Variants in USH2A observed in about 807,000 individuals in gnomAD.
USH2A encodes usherin, also known as Usher syndrome 2A (autosomal recessive, mild).
A neutral mutation model predicts 538.9 loss-of-function variants in USH2A; 443 were observed. The ratio of observed to expected loss-of-function variants is 0.82; its 90% CI spans 0.76 to 0.89. The LOEUF (loss-of-function observed/expected upper bound fraction) is 0.89. Among genes scored for constraint, USH2A ranks in the 40% least tolerant of loss-of-function variants. The pLI is 0.00. For missense variants in USH2A, 6,633 were observed against 6,324.8 expected (o/e 1.05, Z -1.65); for synonymous variants, 2,413 against 2,273.5 (o/e 1.06, Z -1.75).
At chr1:216,010,124 C>T (rs1461015491) in intron 32 of USH2A, among the ~76,000 whole-genome samples, 11 of 152,162 alleles carry the variant, frequency 7.2e-5, no homozygotes, top group African/African-American at 2.7e-4. Context: ...TAATTAACCT[C>T]GCCTTCAAGG....
At chr1:215,934,204 A>G (rs1311994168) in intron 38 of USH2A, among the ~76,000 whole-genome samples, 1 of 152,034 alleles carries the variant, frequency 6.6e-6, no homozygotes, top group African/African-American at 2.4e-5. Context: ...CAATTGAACT[A>G]GTTATTTAGA....
chr1:215,689,511 C>T (rs1245965504), intron 61 of USH2A, among the ~76,000 whole-genome samples: 6 of 152,220 alleles, frequency 3.9e-5, no homozygotes, highest in Non-Finnish European at 7.3e-5. Context: ...TGAGTGCAGT[C>T]AGGGCCTATG....
intron 37 of USH2A, among the ~76,000 whole-genome samples, chr1:215,960,603 G>A (rs1667174691): frequency 6.6e-6 from 1 of 152,040 alleles, no homozygotes; most frequent in Non-Finnish European, 1.5e-5. Context: ...TTGATCATAT[G>A]TTCCTCATAA....
At position 215,675,293 on chromosome 1, in the gene USH2A, C is replaced by A; in HGVS notation, c.12618G>T (p.Gln4206His). ...EGKAWGNQTI[Q>H]ADEKIVFTEY... ...CTGTGAAAACAATTTTCTCGTCGGC[C>A]TGGATTGTCTGATTTCCCCAAGCTT... Residue 4206 changes from glutamine to histidine, a missense_variant, in exon 63 of 72, where the codon CAG becomes CAT. Transcript: ENST00000307340. 1 of 1,614,114 alleles carries A rather than the reference C, an allele frequency of 6.2e-7. No individual in the cohort carries two copies. Among genetic ancestry groups the A allele is most frequent in the Admixed American group, 1.7e-5 (1 of 60,016 alleles).
Position 215,645,968 on chromosome 1 carries a change from G to A in USH2A, c.14791+1554C>T, listed in dbSNP as rs1199888143. Reference sequence around the variant, plus strand: ...CCAATTAATTTATATATGGAATATTGTATAGCCATTAAAATTGGTGGCTAA... The same window carrying A: ...CCAATTAATTTATATATGGAATATTATATAGCCATTAAAATTGGTGGCTAA... On this transcript the variant is annotated intron_variant, in intron 67 of 71. Coordinates refer to ENST00000307340, the MANE Select transcript of USH2A (RefSeq NM_206933.4). Among the ~76,000 whole-genome samples, 4 of 151,604 alleles carry A rather than the reference G, an allele frequency of 2.6e-5. No homozygotes were observed. In the East Asian group the frequency reaches 7.7e-4, roughly 29 times the overall value.
At chr1:216,058,144 G>T in intron 30 of USH2A, among the ~76,000 whole-genome samples, 1 of 150,304 alleles carries the variant, frequency 6.7e-6, no homozygotes, top group Admixed American at 6.6e-5. Context: ...TGTCCATAAG[G>T]ATGACACAGC....
chr1:215,806,888 C>T (rs1430559936), intron 49 of USH2A, among the ~76,000 whole-genome samples: 1 of 152,000 alleles, frequency 6.6e-6, no homozygotes, highest in African/African-American at 2.4e-5. Context: ...CTCAGGCTCA[C>T]AGTATCTTTT....
intron 61 of USH2A, among the ~76,000 whole-genome samples, chr1:215,690,484 G>A (rs1367175851): frequency 6.6e-6 from 1 of 152,200 alleles, no homozygotes; most frequent in Non-Finnish European, 1.5e-5. Context: ...CTATTTGGAA[G>A]GCTAAGGTGG....
chr1:216,101,308 A>G (rs1449392669), intron 21 of USH2A, among the ~76,000 whole-genome samples: 1 of 152,234 alleles, frequency 6.6e-6, no homozygotes, highest in Non-Finnish European at 1.5e-5. Context: ...TAAAGAAAAC[A>G]TTACTGACTC....
intron 3 of USH2A, among the ~76,000 whole-genome samples, chr1:216,395,761 G>A (rs931711982): frequency 2.0e-5 from 3 of 152,134 alleles, no homozygotes; most frequent in Non-Finnish European, 2.9e-5. Context: ...TTTGCTACTG[G>A]CATCTAGTGG....
At chr1:216,094,252 C>G (rs1160082628) in intron 22 of USH2A, among the ~76,000 whole-genome samples, 1 of 151,998 alleles carries the variant, frequency 6.6e-6, no homozygotes, top group African/African-American at 2.4e-5. Context: ...ATTTGGATGT[C>G]CTGAAGAGCA....
rs541964787 is a variant in USH2A at position 216,159,966 on chromosome 1, C to T, written c.4627+15286G>A. On this transcript the variant is annotated intron_variant, in intron 21 of 71. Transcript: ENST00000307340. ...TTTTAGCGTAGTGCTGTTCTTAATA[C>T]ATTATTATTTTTTTTAATGTCTGTA... Among the ~76,000 whole-genome samples the T allele has an allele frequency of 5.3e-5, 8 of 152,054 alleles. No individual in the cohort carries two copies. In the South Asian group the frequency reaches 1.7e-3, roughly 32 times the overall value.
Position 216,422,177 on chromosome 1 carries a change from T to C in USH2A, c.160A>G (p.Thr54Ala), listed in dbSNP as rs2039689666. Residue 54 changes from threonine (T) to alanine (A), a missense_variant, in exon 2 of 72, where the codon ACC becomes GCC. By Grantham distance (58) the Thr-to-Ala change is moderately conservative (BLOSUM62 0). Transcript: ENST00000307340. ...TCTGGGAGTCCACATACTGCTTGGG[T>C]TGGCACGATGGAAACTTTCTTGAAA... ...GAFKKVSIVP[T>A]QAVCGLPDRS... 1 of 1,613,118 alleles carries C rather than the reference T, an allele frequency of 6.2e-7. No individual in the cohort carries two copies. Among genetic ancestry groups the C allele is most frequent in the South Asian group, 1.1e-5 (1 of 91,042 alleles).
chr1:215,655,850 C>T (rs1657234392), intron 64 of USH2A, among the ~76,000 whole-genome samples: 2 of 151,534 alleles, frequency 1.3e-5, no homozygotes, highest in South Asian at 2.1e-4. Flanking sequence ...ATTCCCCTGC[C>T]TTAGCCTCCT....
At chr1:215,645,679 G>A (rs148912952) in intron 67 of USH2A, among the ~76,000 whole-genome samples, 74 of 152,248 alleles carry the variant, frequency 4.9e-4, no homozygotes, top group African/African-American at 1.8e-3. Context: ...TTATGAATGC[G>A]TAATTCTTGC....
At chr1:216,313,434 A>T (rs971066776) in intron 9 of USH2A, among the ~76,000 whole-genome samples, 1 of 152,158 alleles carries the variant, frequency 6.6e-6, no homozygotes, top group African/African-American at 2.4e-5. Context: ...CCCAAGGTGC[A>T]ACAGAATGGC....
chr1:216,402,821 AG>A (rs2039330818), intron 3 of USH2A, among the ~76,000 whole-genome samples: 1 of 152,132 alleles, frequency 6.6e-6, no homozygotes, highest in Non-Finnish European at 1.5e-5. Context: ...ATTTTGTCCA[AG>A]AGTCAAACAT....
intron 35 of USH2A, among the ~76,000 whole-genome samples, chr1:215,972,502 T>C (rs1667519798): frequency 6.6e-6 from 1 of 152,166 alleles, no homozygotes; most frequent in African/African-American, 2.4e-5. Context: ...TTCCAGCCCT[T>C]CTTTACAACA....
At chr1:215,818,182 A>C (rs1453288063) in intron 47 of USH2A, among the ~76,000 whole-genome samples, 1 of 151,912 alleles carries the variant, frequency 6.6e-6, no homozygotes, top group African/African-American at 2.4e-5. Flanking sequence ...ATTTTGGGAC[A>C]GTCAAAAGTT....
Sources: allele counts gnomAD v4.1 joint callset (sites outside exome capture counted in the v4.1 genomes callset), GRCh38; gene constraint gnomAD v4.1.1; transcripts MANE v1.5; gene names NCBI Gene and HGNC (gene_info 2026-07-23, HGNC 2026-07-21).